The following ARHGAP26 variants were observed in gnomAD, a reference collection of about 807,000 sequenced individuals.
ARHGAP26 encodes the protein Rho GTPase activating protein 26, also known as rho GTPase-activating protein 26.
A neutral mutation model predicts 104.8 loss-of-function variants in ARHGAP26; 38 were observed. The observed-to-expected ratio is 0.36, with a 90% CI of 0.28 to 0.48. The LOEUF (loss-of-function observed/expected upper bound fraction) is 0.48. ARHGAP26 is among the 20% of genes least tolerant of loss of function. ARHGAP26 has a pLI of 0.99. For missense variants in ARHGAP26, 704 were observed against 947.9 expected, an observed-to-expected ratio of 0.74 and a Z score of 3.38; for synonymous variants, 341 against 340.0, an observed-to-expected ratio of 1.00 and a Z score of -0.03.
At chr5:142,964,798 G>A (rs1197745388) in intron 11 of ARHGAP26, among the ~76,000 whole-genome samples, 1 of 152,130 alleles carries the variant, frequency 6.6e-6, no homozygotes, top group Non-Finnish European at 1.5e-5. Context: ...AGGGTCGGTG[G>A]GCTTCTCCCT....
At chr5:143,162,394 A>G (rs1204968737) in intron 20 of ARHGAP26, among the ~76,000 whole-genome samples, 1 of 152,176 alleles carries the variant, frequency 6.6e-6, no homozygotes, top group Non-Finnish European at 1.5e-5. Context: ...ATCCCATGAC[A>G]GCACTTAAAA....
chr5:142,806,770 A>G (rs1387938846), intron 1 of ARHGAP26, among the ~76,000 whole-genome samples: 1 of 152,218 alleles, frequency 6.6e-6, no homozygotes, highest in Non-Finnish European at 1.5e-5. Flanking sequence ...TGATGGGCAC[A>G]TGTCATCTTA....
chr5:142,967,933 T>G (rs935683551), intron 11 of ARHGAP26, among the ~76,000 whole-genome samples: 2 of 152,166 alleles, frequency 1.3e-5, no homozygotes, highest in African/African-American at 2.4e-5. Flanking sequence ...TGGTCCTTGC[T>G]ACTATTAAAG....
chr5:142,839,916 A>C, intron 1 of ARHGAP26, among the ~76,000 whole-genome samples: 1 of 106,090 alleles, frequency 9.4e-6, no homozygotes, highest in Admixed American at 1.1e-4. Context: ...AGGGGAGGGG[A>C]GGGGAGAGAG....
At chr5:143,044,658 G>A (rs1196184274) in intron 14 of ARHGAP26, among the ~76,000 whole-genome samples, 1 of 152,190 alleles carries the variant, frequency 6.6e-6, no homozygotes, top group Non-Finnish European at 1.5e-5. Flanking sequence ...TAGGAAGATG[G>A]AGAAGTGCTT....
At chr5:143,144,815 T>C (rs1798971680) in intron 19 of ARHGAP26, among the ~76,000 whole-genome samples, 1 of 152,272 alleles carries the variant, frequency 6.6e-6, no homozygotes, top group Non-Finnish European at 1.5e-5. Flanking sequence ...TATTCTCTAC[T>C]CTTTCCCTGG....
intron 17 of ARHGAP26, among the ~76,000 whole-genome samples, chr5:143,098,059 A>G (rs911328068): frequency 6.6e-6 from 1 of 152,142 alleles, no homozygotes; most frequent in East Asian, 1.9e-4. Context: ...TATACAGAAG[A>G]ACTCTTCCTT....
intron 13 of ARHGAP26, among the ~76,000 whole-genome samples, chr5:143,037,959 A>C (rs1782895171): frequency 6.6e-6 from 1 of 152,214 alleles, no homozygotes; most frequent in Non-Finnish European, 1.5e-5. Flanking sequence ...TGGGAGCAGG[A>C]CATTAAGATC....
chr5:143,141,899 T>C (rs564354437), intron 19 of ARHGAP26, among the ~76,000 whole-genome samples: 14 of 152,214 alleles, frequency 9.2e-5, no homozygotes, highest in Non-Finnish European at 1.3e-4. Flanking sequence ...CTCTTTCCTG[T>C]GGATCAGTGC....
At chr5:142,874,848 C>T in intron 2 of ARHGAP26, 1 of 431,212 alleles carries the variant, frequency 2.3e-6, no homozygotes, top group Non-Finnish European at 4.2e-6. Context: ...TCTCACCAGT[C>T]CTGGATACTC....
intron 12 of ARHGAP26, among the ~76,000 whole-genome samples, chr5:143,023,557 T>C (rs1780628787): frequency 6.6e-6 from 1 of 152,206 alleles, no homozygotes; most frequent in Admixed American, 6.5e-5. Context: ...CCTTTGGCCT[T>C]TTGCTGTTAG....
chr5:142,992,441 T>C (rs561574034), intron 11 of ARHGAP26, among the ~76,000 whole-genome samples: 3 of 143,472 alleles, frequency 2.1e-5, no homozygotes, highest in Admixed American at 6.9e-5. Context: ...TTATTTTTTA[T>C]TTTTTTTTTT....
At chr5:142,958,941 A>G (rs1450184520) in intron 11 of ARHGAP26, among the ~76,000 whole-genome samples, 1 of 151,814 alleles carries the variant, frequency 6.6e-6, no homozygotes, top group Non-Finnish European at 1.5e-5. Context: ...AGAAAGGAAA[A>G]TATATAGAGG....
At chr5:143,101,842 A>G (rs997097040) in intron 17 of ARHGAP26, among the ~76,000 whole-genome samples, 3 of 151,414 alleles carry the variant, frequency 2.0e-5, no homozygotes, top group African/African-American at 7.3e-5. Context: ...AAAGTTCGTC[A>G]TATGACATAA....
intron 1 of ARHGAP26, among the ~76,000 whole-genome samples, chr5:142,864,478 A>T (rs1561975339): frequency 1.3e-5 from 2 of 152,368 alleles, no homozygotes; most frequent in East Asian, 3.9e-4. Context: ...GTGAAAGGAA[A>T]TTGTAAATTT....
At chr5:142,970,773 A>G (rs1772149655) in intron 11 of ARHGAP26, among the ~76,000 whole-genome samples, 1 of 152,222 alleles carries the variant, frequency 6.6e-6, no homozygotes, top group Admixed American at 6.5e-5. Flanking sequence ...AAGGACCACT[A>G]CAGCAGTAAT....
chr5:143,166,298 G>C (rs899309104), intron 20 of ARHGAP26, among the ~76,000 whole-genome samples: 2 of 152,314 alleles, frequency 1.3e-5, no homozygotes, highest in African/African-American at 4.8e-5. Flanking sequence ...GACTGAGGGA[G>C]TGTGGGCAGG....
At chr5:143,189,382 C>T (rs1805581944) in intron 20 of ARHGAP26, among the ~76,000 whole-genome samples, 1 of 152,044 alleles carries the variant, frequency 6.6e-6, no homozygotes. Flanking sequence ...CAGATGTCAC[C>T]CAAAAGAAGT....
chr5:143,220,942 T>C (rs141152666), intron 22 of ARHGAP26, among the ~76,000 whole-genome samples: 81 of 152,340 alleles, frequency 5.3e-4, no homozygotes, highest in African/African-American at 1.9e-3. Context: ...GCGGAAATGC[T>C]TTTCTAAAAC....
Sources: allele counts gnomAD v4.1 joint callset (sites outside exome capture counted in the v4.1 genomes callset), GRCh38; gene constraint gnomAD v4.1.1; transcripts MANE v1.5; gene names NCBI Gene and HGNC (gene_info 2026-07-23, HGNC 2026-07-21).